Variants in CAST observed in about 807,000 individuals in gnomAD.
CAST encodes the protein calpastatin.
In CAST, 76 loss-of-function variants were observed where a neutral mutation model predicts 119.6. The observed-to-expected ratio is 0.64, with a 90% CI of 0.53 to 0.77. CAST has a LOEUF of 0.77. Ranked by LOEUF, CAST falls within the 30% of genes least tolerant of loss-of-function variation. The pLI, the probability that CAST is intolerant of heterozygous loss-of-function variation, is 0.00. For missense variants in CAST, 953 were observed against 946.5 expected, an observed-to-expected ratio of 1.01 and a Z score of -0.09; for synonymous variants, 319 against 331.6, an observed-to-expected ratio of 0.96 and a Z score of 0.41.
chr5:96,770,346 C>T, intron 29 of CAST, 185 bp from the exon 30 acceptor site: 1 of 545,706 alleles, frequency 1.8e-6, no homozygotes, highest in Non-Finnish European at 3.3e-6. Context: ...ATCCTTTTTC[C>T]CTCCTGCTTT....
the CAST span, among the ~76,000 whole-genome samples, chr5:96,010,078 GC>G: frequency 3.3e-5 from 5 of 152,170 alleles, no homozygotes; most frequent in South Asian, 1.0e-3. Flanking sequence ...GTTTTTGTCA[GC>G]CTTGTCAAAG....
the CAST span, among the ~76,000 whole-genome samples, chr5:96,194,592 T>C: frequency 2.6e-5 from 4 of 152,182 alleles, no homozygotes; most frequent in Non-Finnish European, 5.9e-5. Flanking sequence ...TTTTTTATTA[T>C]AACAAACCTA....
At chr5:96,598,342 G>T (rs1747089559) in intron 1 of CAST, among the ~76,000 whole-genome samples, 1 of 152,128 alleles carries the variant, frequency 6.6e-6, no homozygotes, top group South Asian at 2.1e-4. Flanking sequence ...CTGCCCAAAG[G>T]CCAGCTAGTT....
At chr5:96,217,739 G>C in the CAST span, among the ~76,000 whole-genome samples, 540 of 152,190 alleles carry the variant, frequency 3.5e-3, 1 homozygote, top group African/African-American at 0.013. Context: ...ACAGGCTCCA[G>C]GATCTTTTAT....
At chr5:96,644,240 TTTAA>T (rs1367004498) in intron 1 of CAST, among the ~76,000 whole-genome samples, 1 of 152,214 alleles carries the variant, frequency 6.6e-6, no homozygotes, top group Non-Finnish European at 1.5e-5. Context: ...CAAATTTGTC[TTTAA>T]TTAAGTTTCT....
the CAST span, among the ~76,000 whole-genome samples, chr5:96,282,920 G>A: frequency 5.9e-4 from 90 of 151,672 alleles, no homozygotes; most frequent in Non-Finnish European, 1.1e-3. Flanking sequence ...ACGAGGTCAG[G>A]AGATCGAGAC....
chr5:96,589,873 G>A (rs1045945557), intron 1 of CAST, among the ~76,000 whole-genome samples: 1 of 152,198 alleles, frequency 6.6e-6, no homozygotes, highest in Non-Finnish European at 1.5e-5. Flanking sequence ...TGCACTCCAG[G>A]CAACTGTTCC....
At chr5:96,730,736 C>A in intron 8 of CAST, 44 bp from the exon 9 acceptor site, 3 of 1,373,400 alleles carry the variant, frequency 2.2e-6, no homozygotes, top group Non-Finnish European at 3.1e-6. Flanking sequence ...AATAGCCATG[C>A]AGAGATACTT....
the CAST span, among the ~76,000 whole-genome samples, chr5:96,398,208 A>C: frequency 1.3e-5 from 2 of 152,232 alleles, no homozygotes; most frequent in Admixed American, 1.3e-4. Context: ...ATTAATATTC[A>C]GGAGGAAGAT....
the CAST span, among the ~76,000 whole-genome samples, chr5:96,403,439 G>A: frequency 2.3e-3 from 353 of 151,992 alleles, no homozygotes; most frequent in African/African-American, 8.3e-3. Context: ...GACAGGCCCC[G>A]GTGTATTTTT....
the CAST span, among the ~76,000 whole-genome samples, chr5:95,969,585 A>G: frequency 3.9e-5 from 6 of 152,148 alleles, no homozygotes; most frequent in Non-Finnish European, 7.4e-5. Flanking sequence ...TAGGGTATTA[A>G]TGATGGGAAT....
At chr5:96,136,980 A>T in the CAST span, among the ~76,000 whole-genome samples, 1 of 152,092 alleles carries the variant, frequency 6.6e-6, no homozygotes, top group Non-Finnish European at 1.5e-5. Flanking sequence ...TTGTTTCATA[A>T]TTTTTTAATA....
At chr5:96,011,215 A>T in the CAST span, among the ~76,000 whole-genome samples, 2 of 152,194 alleles carry the variant, frequency 1.3e-5, no homozygotes, top group African/African-American at 4.8e-5. Context: ...GGTTTAGGTC[A>T]GTTTAAATTT....
At chr5:96,427,895 G>C in the CAST span, among the ~76,000 whole-genome samples, 1 of 152,150 alleles carries the variant, frequency 6.6e-6, no homozygotes, top group Non-Finnish European at 1.5e-5. Context: ...CCTCTCCCTT[G>C]AAGTGAGTAA....
At chr5:96,521,050 G>T (rs771376567), upstream of CAST, among the ~76,000 whole-genome samples, 1 of 152,150 alleles carries the variant, frequency 6.6e-6, no homozygotes, top group African/African-American at 2.4e-5. Context: ...AGATTCAGAA[G>T]ATTCAGGCTG....
At chr5:96,144,912 G>T in the CAST span, among the ~76,000 whole-genome samples, 243 of 152,126 alleles carry the variant, frequency 1.6e-3, no homozygotes, top group African/African-American at 5.6e-3. Flanking sequence ...CGAACACTTT[G>T]CTGGGTTCTG....
In CAST at chr5:96,770,629, A is replaced by G. The variant is rs375008323; in HGVS notation, c.2340+27A>G. On this transcript the variant is annotated intron_variant, in intron 30 of 31. Transcript: ENST00000675179. ...TAAATGGAGCAGTAAATATACTACA[A>G]ATTAGTTTAGCAGTTACACAGAGTA... The G allele has an allele frequency of 1.6e-5, 23 of 1,470,642 alleles. No individual in the cohort carries two copies. In the East Asian group the frequency reaches 5.0e-4, roughly 32 times the overall value. 91.1% of individuals were successfully genotyped at this position (1,470,642 alleles called of 1,614,324 possible). A position where few individuals can be genotyped will look rare whatever the true frequency, so the allele number is the denominator to read the frequency against.
chr5:96,526,541 G>A (rs1745599697), upstream of CAST, among the ~76,000 whole-genome samples: 1 of 152,180 alleles, frequency 6.6e-6, no homozygotes, highest in Admixed American at 6.5e-5. Flanking sequence ...GGGAAATAAA[G>A]AGCTTTTCCT....
chr5:96,255,980 A>G, the CAST span, among the ~76,000 whole-genome samples: 9 of 152,156 alleles, frequency 5.9e-5, no homozygotes, highest in East Asian at 1.7e-3. Context: ...TTTTGGAACA[A>G]GATTTCTAAG....
Sources: allele counts gnomAD v4.1 joint callset (sites outside exome capture counted in the v4.1 genomes callset), GRCh38; gene constraint gnomAD v4.1.1; transcripts MANE v1.5; gene names NCBI Gene and HGNC (gene_info 2026-07-23, HGNC 2026-07-21).